The following GALNT13 variants were observed in gnomAD, a reference collection of about 807,000 sequenced individuals.
GALNT13 encodes UDP-GalNAc:polypeptide N-acetylgalactosaminyltransferase 13.
In GALNT13, 28 loss-of-function variants were observed where a neutral mutation model predicts 64.2. That is an observed-to-expected ratio of 0.44 (90% confidence interval 0.32 to 0.60). GALNT13 has a LOEUF of 0.60. GALNT13 is among the 20% of genes least tolerant of loss of function. The pLI is 0.05. For missense variants in GALNT13, 577 were observed against 669.8 expected (o/e 0.86, Z 1.53); for synonymous variants, 214 against 224.6 (o/e 0.95, Z 0.42).
At chr2:154,048,781 T>C (rs1464999025) in intron 3 of GALNT13, among the ~76,000 whole-genome samples, 2 of 152,162 alleles carry the variant, frequency 1.3e-5, no homozygotes, top group African/African-American at 2.4e-5. Context: ...CTTATATTTC[T>C]CATGGTGCTA....
At chr2:154,171,303 G>C (rs910817676) in intron 4 of GALNT13, among the ~76,000 whole-genome samples, 1 of 152,068 alleles carries the variant, frequency 6.6e-6, no homozygotes, top group African/African-American at 2.4e-5. Context: ...TACTACTCTA[G>C]AAACTTGTTC....
the GALNT13 span, among the ~76,000 whole-genome samples, chr2:153,092,288 T>C: frequency 6.6e-6 from 1 of 152,194 alleles, no homozygotes. Context: ...TTTCCTCCGT[T>C]TTGTTCCTTT....
chr2:153,505,412 G>T, the GALNT13 span, among the ~76,000 whole-genome samples: 1 of 151,922 alleles, frequency 6.6e-6, no homozygotes, highest in Admixed American at 6.6e-5. Flanking sequence ...CTTTTCTTCT[G>T]TTGGGTTTGG....
At chr2:153,469,677 C>A in the GALNT13 span, among the ~76,000 whole-genome samples, 2 of 152,074 alleles carry the variant, frequency 1.3e-5, no homozygotes, top group African/African-American at 2.4e-5. Flanking sequence ...TACCGGGCAG[C>A]ATTTCCAAGC....
chr2:153,095,431 T>A, the GALNT13 span, among the ~76,000 whole-genome samples: 2 of 152,220 alleles, frequency 1.3e-5, no homozygotes, highest in Non-Finnish European at 2.9e-5. Context: ...ACTTTTACAC[T>A]GTTGATGGAA....
the GALNT13 span, among the ~76,000 whole-genome samples, chr2:153,609,701 A>G: frequency 1.5e-4 from 23 of 152,320 alleles, no homozygotes; most frequent in South Asian, 4.8e-3. Flanking sequence ...ATAAAACATG[A>G]TAACAATGAA....
the GALNT13 span, among the ~76,000 whole-genome samples, chr2:153,776,007 T>C: frequency 6.6e-6 from 1 of 152,172 alleles, no homozygotes; most frequent in South Asian, 2.1e-4. Context: ...GGTGGTGACC[T>C]TCTCATTGCA....
chr2:153,294,209 G>A, the GALNT13 span, among the ~76,000 whole-genome samples: 8 of 151,976 alleles, frequency 5.3e-5, no homozygotes, highest in Non-Finnish European at 1.0e-4. Flanking sequence ...TTGGAGTTTG[G>A]GTGCAGGCAG....
the GALNT13 span, among the ~76,000 whole-genome samples, chr2:153,239,247 G>C: frequency 6.6e-6 from 1 of 151,902 alleles, no homozygotes; most frequent in African/African-American, 2.4e-5. Context: ...GGCGTTTTTA[G>C]TTTTTTTCAA....
chr2:153,124,925 T>G, the GALNT13 span, among the ~76,000 whole-genome samples: 2 of 152,204 alleles, frequency 1.3e-5, no homozygotes, highest in African/African-American at 4.8e-5. Context: ...GGTGTCTCAG[T>G]TAGAGGTCAT....
chr2:153,530,687 AAG>A, the GALNT13 span, among the ~76,000 whole-genome samples: 3 of 152,154 alleles, frequency 2.0e-5, no homozygotes, highest in Non-Finnish European at 2.9e-5. Flanking sequence ...AAAAATCAAA[AAG>A]AGAGACACAC....
chr2:153,839,952 C>T, the GALNT13 span, among the ~76,000 whole-genome samples: 10 of 151,950 alleles, frequency 6.6e-5, no homozygotes, highest in Admixed American at 3.3e-4. Context: ...GACTTAGTGA[C>T]GGGGCAAACC....
rs1701924796 is a variant in GALNT13, at chr2:154,452,890, A to G, written c.*2339A>G. On this transcript the variant is annotated 3_prime_UTR_variant, in exon 13 of 13. Transcript: ENST00000392825. ...AATGCACTTGTCTTATCCCTTATTT[A>G]TGGAGCTAGACTGACATATTTCAAA... 1 of 152,160 alleles carries G rather than the reference A, an allele frequency of 6.6e-6. No homozygotes were observed. The highest frequency in any genetic ancestry group is 1.5e-5 in the Non-Finnish European group (1 of 68,028). 9.4% of individuals were successfully genotyped at this position (152,160 alleles called of 1,614,324 possible).
chr2:153,545,476 A>G, the GALNT13 span, among the ~76,000 whole-genome samples: 2 of 152,152 alleles, frequency 1.3e-5, no homozygotes, highest in African/African-American at 4.8e-5. Flanking sequence ...TGAGAGTTCT[A>G]TTGTTATTAA....
the GALNT13 span, among the ~76,000 whole-genome samples, chr2:153,301,320 A>AAAAAAAAAAAAAAAAAAAAAAAAAAG: frequency 2.6e-4 from 33 of 126,606 alleles, no homozygotes; most frequent in Non-Finnish European, 4.2e-4. Context: ...AAAAAAAAAG[A>AAAAAAAAAAAAAAAAAAAAAAAAAAG]AAAAAAAAAA....
At chr2:153,977,243 A>G (rs1363643990) in intron 3 of GALNT13, among the ~76,000 whole-genome samples, 1 of 152,122 alleles carries the variant, frequency 6.6e-6, no homozygotes, top group Non-Finnish European at 1.5e-5. Context: ...ACTTGCTCAT[A>G]TTATTTTATG....
intron 9 of GALNT13, among the ~76,000 whole-genome samples, chr2:154,314,334 TGGTGTA>T (rs1694215057): frequency 1.3e-5 from 2 of 152,210 alleles, no homozygotes; most frequent in African/African-American, 4.8e-5. Flanking sequence ...ATAATGTTAT[TGGTGTA>T]GGTGGTTACA....
intron 3 of GALNT13, among the ~76,000 whole-genome samples, chr2:153,955,117 G>A (rs1692472654): frequency 6.6e-6 from 1 of 152,092 alleles, no homozygotes; most frequent in South Asian, 2.1e-4. Context: ...AATTTAGATT[G>A]CAGTTTTTCT....
At chr2:153,668,724 A>G in the GALNT13 span, among the ~76,000 whole-genome samples, 66 of 152,058 alleles carry the variant, frequency 4.3e-4, no homozygotes, top group Non-Finnish European at 6.3e-4. Flanking sequence ...ACCCACACGT[A>G]TCACAGACCT....
Sources: gnomAD v4.1 joint callset for allele counts (sites outside exome capture counted in the v4.1 genomes callset) on GRCh38, gnomAD v4.1.1 for gene constraint, MANE v1.5 for transcripts, NCBI Gene and HGNC (gene_info 2026-07-23, HGNC 2026-07-21) for gene names.